The following ANK3 variants were observed in gnomAD, a reference collection of about 807,000 sequenced individuals.
ANK3 encodes ankyrin 3, also known as ankyrin-3.
ANK3 carries 57 observed loss-of-function variants against 370.9 expected under a neutral mutation model. The ratio of observed to expected loss-of-function variants is 0.15; its 90% CI spans 0.12 to 0.19. The LOEUF (loss-of-function observed/expected upper bound fraction) is 0.19, where lower values mean the gene tolerates loss of function less well. ANK3 is among the 10% of genes least tolerant of loss of function. The probability of loss-of-function intolerance (pLI) is 1.00; values close to 1 mark genes in which losing one functional copy is unlikely to be tolerated. For synonymous variants in ANK3, 1,929 were observed against 1,946.3 expected, an observed-to-expected ratio of 0.99 and a Z score of 0.23; for missense variants, 4,439 against 5,302.1, an observed-to-expected ratio of 0.84 and a Z score of 5.06.
At chr10:60,395,272 A>G (rs2063192963) in intron 2 of ANK3, among the ~76,000 whole-genome samples, 1 of 152,246 alleles carries the variant, frequency 6.6e-6, no homozygotes, top group Non-Finnish European at 1.5e-5. Context: ...CAATGATTTT[A>G]TATATTGATT....
At chr10:60,571,814 C>T (rs1256566999) in intron 2 of ANK3, among the ~76,000 whole-genome samples, 1 of 151,954 alleles carries the variant, frequency 6.6e-6, no homozygotes, top group South Asian at 2.1e-4. Flanking sequence ...TCAAGAAAAC[C>T]AAAATGAATC....
chr10:60,702,347 T>G (rs925297544), intron 1 of ANK3, among the ~76,000 whole-genome samples: 4 of 152,106 alleles, frequency 2.6e-5, no homozygotes, highest in South Asian at 2.1e-4. Context: ...AACAAATAAT[T>G]TGTACTCTAT....
intron 35 of ANK3, 52 bp from the exon 36 acceptor site, chr10:60,080,670 C>G: frequency 7.3e-7 from 1 of 1,371,920 alleles, no homozygotes; most frequent in Non-Finnish European, 1.0e-6. Context: ...CCTGTGACAT[C>G]TTCAGTTTTA....
chr10:60,470,536 C>T (rs2065191456), intron 2 of ANK3, among the ~76,000 whole-genome samples: 2 of 152,076 alleles, frequency 1.3e-5, no homozygotes, highest in African/African-American at 2.4e-5. Context: ...TGTCAGAATT[C>T]GTTGACTTGA....
At chr10:60,043,158 C>T in intron 42 of ANK3, 1 of 990,776 alleles carries the variant, frequency 1.0e-6, no homozygotes, top group Non-Finnish European at 1.2e-6. Context: ...TGCTGTTGAT[C>T]TGAGGGACTT....
intron 5 of ANK3, among the ~76,000 whole-genome samples, chr10:60,265,866 T>A (rs140536700): frequency 9.2e-5 from 14 of 152,306 alleles, no homozygotes; most frequent in African/African-American, 3.4e-4. Context: ...CTGTCCCCTA[T>A]AAAGTCCTTT....
At position 60,261,915 on chromosome 10, in the gene ANK3, T is replaced by C; in HGVS notation, c.742A>G (p.Ile248Val). 1.2e-6 allele frequency: 2 copies of C among 1,614,124 alleles called. No homozygotes were observed. Among genetic ancestry groups the C allele is most frequent in the African/African-American group, 1.3e-5 (1 of 75,058 alleles). Residue 248 changes from isoleucine (I) to valine (V), a missense_variant, in exon 7 of 44, where the codon ATC (isoleucine) becomes GTC (valine). Ile to Val is a conservative substitution (Grantham distance 29, BLOSUM62 3). Transcript: ENST00000280772. ...TTTAACAGCAACGTGGCTACATTGA[T>C]ATTTCCATAGTGAGCAGCTATGTGG... is the stretch of plus-strand genomic sequence containing the variant. ...PLHIAAHYGN[I>V]NVATLLLNRA...
At chr10:60,144,218 G>A in intron 23 of ANK3, 1 of 445,702 alleles carries the variant, frequency 2.2e-6, no homozygotes, top group Admixed American at 2.4e-5. Context: ...TTTTGTAATA[G>A]GTAACCAAAA....
chr10:60,045,138 A>T (rs770732149), intron 42 of ANK3, among the ~76,000 whole-genome samples: 1 of 152,238 alleles, frequency 6.6e-6, no homozygotes, highest in Non-Finnish European at 1.5e-5. Context: ...GTCATTTTTA[A>T]ACCAGAACTG....
intron 2 of ANK3, among the ~76,000 whole-genome samples, chr10:60,598,160 A>G (rs913867689): frequency 2.0e-4 from 30 of 152,212 alleles, no homozygotes; most frequent in Non-Finnish European, 2.9e-4. Flanking sequence ...CATCTGTTAC[A>G]TCGTAGCAGA....
At chr10:60,687,557 C>T (rs2079287247) in intron 1 of ANK3, among the ~76,000 whole-genome samples, 1 of 150,258 alleles carries the variant, frequency 6.7e-6, no homozygotes, top group South Asian at 2.1e-4. Context: ...CACACACATG[C>T]ACAACAAGCA....
At chr10:60,480,565 A>G (rs2075185384) in intron 2 of ANK3, among the ~76,000 whole-genome samples, 1 of 152,212 alleles carries the variant, frequency 6.6e-6, no homozygotes, top group African/African-American at 2.4e-5. Context: ...CCATTCAGTC[A>G]TTCAGCAAAT....
chr10:60,574,980 C>G (rs2133272210), intron 2 of ANK3, among the ~76,000 whole-genome samples: 1 of 152,070 alleles, frequency 6.6e-6, no homozygotes, highest in East Asian at 1.9e-4. Context: ...ACAAAAACAA[C>G]TGAGGGGGTA....
intron 1 of ANK3, among the ~76,000 whole-genome samples, chr10:60,387,636 A>G (rs961343922): frequency 3.9e-5 from 6 of 152,196 alleles, no homozygotes; most frequent in South Asian, 2.1e-4. Flanking sequence ...CCACTTGCAC[A>G]TTTACAATAG....
At chr10:60,390,839 G>A (rs1447528028), upstream of ANK3, among the ~76,000 whole-genome samples, 5 of 151,418 alleles carry the variant, frequency 3.3e-5, no homozygotes, top group African/African-American at 1.2e-4. Flanking sequence ...TTGTTAGCAT[G>A]TGTGCTTCCG....
chr10:60,697,309 G>C (rs1232543119), intron 1 of ANK3, among the ~76,000 whole-genome samples: 2 of 151,344 alleles, frequency 1.3e-5, no homozygotes, highest in South Asian at 4.2e-4. Context: ...AATCAATATC[G>C]TGAAAATGGC....
chr10:60,618,059 A>G (rs2078287934), intron 1 of ANK3, among the ~76,000 whole-genome samples: 1 of 152,026 alleles, frequency 6.6e-6, no homozygotes, highest in African/African-American at 2.4e-5. Context: ...ATGATATTAA[A>G]TTTTTTTATC....
chr10:60,308,088 C>T (rs1227908859), intron 1 of ANK3, among the ~76,000 whole-genome samples: 1 of 152,164 alleles, frequency 6.6e-6, no homozygotes, highest in Non-Finnish European at 1.5e-5. Context: ...CTCATTGAGC[C>T]TGTAAGAGGG....
intron 18 of ANK3, among the ~76,000 whole-genome samples, chr10:60,176,191 A>C (rs564080033): frequency 0.04 from 4,920 of 123,330 alleles, 261 homozygotes; most frequent in African/African-American, 0.14. Flanking sequence ...AAAAAAAAAA[A>C]AAAACAAAAA....
Sources: gnomAD v4.1 joint callset for allele counts (sites outside exome capture counted in the v4.1 genomes callset) on GRCh38, gnomAD v4.1.1 for gene constraint, MANE v1.5 for transcripts, NCBI Gene and HGNC (gene_info 2026-07-23, HGNC 2026-07-21) for gene names.